The following HMG20A variants were observed in gnomAD, a reference collection of about 807,000 sequenced individuals.
HMG20A encodes high mobility group 20A.
HMG20A carries 17 observed loss-of-function variants against 43.9 expected under a neutral mutation model. The observed-to-expected ratio is 0.39, with a 90% confidence interval of 0.27 to 0.58. The LOEUF is 0.58. Among genes scored for constraint, HMG20A ranks in the 20% least tolerant of loss-of-function variants. The probability of loss-of-function intolerance (pLI) is 0.59; values close to 1 mark genes in which losing one functional copy is unlikely to be tolerated. For synonymous variants in HMG20A, 132 were observed against 147.5 expected, an observed-to-expected ratio of 0.89 and a Z score of 0.76; for missense variants, 341 against 438.2, an observed-to-expected ratio of 0.78 and a Z score of 1.98.
chr15:77,425,790 C>T (rs1355129160), intron 1 of HMG20A, among the ~76,000 whole-genome samples: 2 of 152,108 alleles, frequency 1.3e-5, no homozygotes, highest in Non-Finnish European at 1.5e-5. Flanking sequence ...AGGTATATAT[C>T]CAAGAGAACT....
At chr15:77,477,864 G>T (rs1182068310) in intron 7 of HMG20A, among the ~76,000 whole-genome samples, 1 of 152,138 alleles carries the variant, frequency 6.6e-6, no homozygotes, top group Non-Finnish European at 1.5e-5. Context: ...GGAACCCCTT[G>T]CACAAATAAA....
At chr15:77,425,124 C>T (rs1318855757) in intron 1 of HMG20A, among the ~76,000 whole-genome samples, 8 of 152,116 alleles carry the variant, frequency 5.3e-5, no homozygotes, top group African/African-American at 1.9e-4. Flanking sequence ...GATATCCATC[C>T]TCTTCTACAC....
intron 1 of HMG20A, among the ~76,000 whole-genome samples, chr15:77,430,348 A>G (rs2073471731): frequency 6.6e-6 from 1 of 152,186 alleles, no homozygotes; most frequent in African/African-American, 2.4e-5. Context: ...TATGGTTTCC[A>G]CTTATGACTC....
chr15:77,519,589 A>G, the HMG20A span, among the ~76,000 whole-genome samples: 1 of 152,160 alleles, frequency 6.6e-6, no homozygotes, highest in South Asian at 2.1e-4. Context: ...TCTGCCACAT[A>G]AGAACACAGC....
At chr15:77,502,031 A>G in the HMG20A span, among the ~76,000 whole-genome samples, 3 of 152,186 alleles carry the variant, frequency 2.0e-5, no homozygotes, top group Non-Finnish European at 2.9e-5. Context: ...AATCTGGCCC[A>G]TATGTTTCTC....
chr15:77,450,824 A>G (rs943045230), intron 1 of HMG20A, among the ~76,000 whole-genome samples: 1 of 152,228 alleles, frequency 6.6e-6, no homozygotes, highest in Non-Finnish European at 1.5e-5. Flanking sequence ...CATACAATGA[A>G]GGAGAGTTCT....
chr15:77,465,442 C>G (rs2072748781), intron 3 of HMG20A, among the ~76,000 whole-genome samples: 2 of 146,148 alleles, frequency 1.4e-5, no homozygotes, highest in South Asian at 4.3e-4. Flanking sequence ...GTTGCTCAGG[C>G]TGGAGTGCGG....
At chr15:77,449,313 A>T (rs546379040) in intron 1 of HMG20A, among the ~76,000 whole-genome samples, 3 of 151,932 alleles carry the variant, frequency 2.0e-5, no homozygotes, top group African/African-American at 7.3e-5. Flanking sequence ...TTTCCCTCTC[A>T]TCTCACATAT....
chr15:77,443,586 T>C (rs1390808375), intron 1 of HMG20A, among the ~76,000 whole-genome samples: 2 of 151,656 alleles, frequency 1.3e-5, no homozygotes, highest in Non-Finnish European at 2.9e-5. Context: ...GAGACAGGGT[T>C]TCACCATGTT....
the HMG20A span, among the ~76,000 whole-genome samples, chr15:77,507,409 C>T: frequency 1.3e-5 from 2 of 152,362 alleles, no homozygotes; most frequent in East Asian, 1.9e-4. Context: ...AGGTGCCTCC[C>T]TCCGCTGTGC....
chr15:77,451,405 C>T (rs1295959866), intron 1 of HMG20A, among the ~76,000 whole-genome samples: 8 of 152,102 alleles, frequency 5.3e-5, no homozygotes, highest in Non-Finnish European at 7.4e-5. Context: ...CCTGTTGCTC[C>T]GCATCATTGT....
At chr15:77,507,182 G>A in the HMG20A span, among the ~76,000 whole-genome samples, 2 of 152,312 alleles carry the variant, frequency 1.3e-5, no homozygotes, top group African/African-American at 2.4e-5. Context: ...GCTTTTCTGG[G>A]TGTGGACTCC....
At chr15:77,438,137 A>ATTTTTTT (rs34192592) in intron 1 of HMG20A, among the ~76,000 whole-genome samples, 1 of 113,456 alleles carries the variant, frequency 8.8e-6, no homozygotes, top group East Asian at 2.4e-4. Context: ...TTTAGTTTTA[A>ATTTTTTT]TTTTTTTTTT....
chr15:77,441,968 T>G (rs1217123873), intron 1 of HMG20A, among the ~76,000 whole-genome samples: 1 of 152,124 alleles, frequency 6.6e-6, no homozygotes, highest in African/African-American at 2.4e-5. Context: ...TAGAGTCCAA[T>G]TTCTGAAGGC....
At chr15:77,444,147 C>G (rs1388603735) in intron 1 of HMG20A, among the ~76,000 whole-genome samples, 1 of 152,054 alleles carries the variant, frequency 6.6e-6, no homozygotes, top group Non-Finnish European at 1.5e-5. Context: ...ATATTTGATC[C>G]TCACGGTAGC....
chr15:77,464,456 T>A (rs2072736519), intron 3 of HMG20A, 69 bp downstream of exon 3: 2 of 1,542,202 alleles, frequency 1.3e-6, no homozygotes, highest in East Asian at 4.6e-5. Context: ...AAGGAAGGTG[T>A]GTTGATCAAG....
At chr15:77,467,012 T>C (rs2072762402) in intron 3 of HMG20A, 83 bp from the exon 4 acceptor site, 4 of 1,117,246 alleles carry the variant, frequency 3.6e-6, no homozygotes, top group South Asian at 2.9e-5. Context: ...TTGTTTGTTG[T>C]TGTTTGTTTT....
chr15:77,468,196 T>C (rs1174642292), intron 4 of HMG20A, among the ~76,000 whole-genome samples: 1 of 152,240 alleles, frequency 6.6e-6, no homozygotes, highest in East Asian at 1.9e-4. Flanking sequence ...TTGGCGCTAC[T>C]GTATAAAAGG....
rs2072872316 is a variant in HMG20A, at chr15:77,478,077, T to C, written c.692-218T>C. On this transcript the variant is annotated intron_variant, in intron 7 of 9. Transcript: ENST00000336216. Reference sequence around the variant, plus strand: ...ATTGAAACTGTTTGTTGCAATCTTATGTATGGAATGTGACTAGCTTTAAGA... The same window carrying C: ...ATTGAAACTGTTTGTTGCAATCTTACGTATGGAATGTGACTAGCTTTAAGA... 16 of 580,854 alleles carry C rather than the reference T, an allele frequency of 2.8e-5. No homozygotes were observed. The South Asian group carries it at 3.3e-4, about 12-fold the overall frequency. 36.0% of individuals were successfully genotyped at this position (580,854 alleles called of 1,614,324 possible).
Sources: allele counts gnomAD v4.1 joint callset (sites outside exome capture counted in the v4.1 genomes callset), GRCh38; gene constraint gnomAD v4.1.1; transcripts MANE v1.5; gene names NCBI Gene and HGNC (gene_info 2026-07-23, HGNC 2026-07-21).